Variants in CFAP299 observed in about 807,000 individuals in gnomAD.
The protein encoded by CFAP299 is cilia- and flagella-associated protein 299.
A neutral mutation model predicts 27.0 loss-of-function variants in CFAP299; 21 were observed. The observed-to-expected ratio is 0.78, with a 90% CI of 0.55 to 1.12. The LOEUF (loss-of-function observed/expected upper bound fraction) is 1.12. Ranked by LOEUF, CFAP299 falls within the 50% of genes most tolerant of loss-of-function variation. The pLI, the probability that CFAP299 is intolerant of heterozygous loss-of-function variation, is 0.00. For missense variants in CFAP299, 310 were observed against 276.6 expected, an observed-to-expected ratio of 1.12 and a Z score of -0.86; for synonymous variants, 104 against 98.1, an observed-to-expected ratio of 1.06 and a Z score of -0.36.
intron 3 of CFAP299, among the ~76,000 whole-genome samples, chr4:80,796,864 T>A (rs1727894907): frequency 2.0e-5 from 3 of 152,168 alleles, no homozygotes; most frequent in African/African-American, 7.2e-5. Flanking sequence ...CCCACCACAA[T>A]AGCTCTCACC....
At chr4:80,477,621 T>C (rs2110123423) in intron 2 of CFAP299, among the ~76,000 whole-genome samples, 1 of 152,290 alleles carries the variant, frequency 6.6e-6, no homozygotes, top group South Asian at 2.1e-4. Flanking sequence ...CATTCTACTT[T>C]GTCACCACTA....
chr4:80,762,336 G>T (rs1378170528), intron 3 of CFAP299, among the ~76,000 whole-genome samples: 3 of 151,952 alleles, frequency 2.0e-5, no homozygotes, highest in African/African-American at 7.2e-5. Flanking sequence ...AAGAAAGAAA[G>T]ATACTAGAAA....
intron 3 of CFAP299, among the ~76,000 whole-genome samples, chr4:80,612,757 G>T (rs976675806): frequency 2.0e-5 from 3 of 152,018 alleles, no homozygotes; most frequent in African/African-American, 7.2e-5. Flanking sequence ...TAATTAAGTA[G>T]CTCAGAATGC....
intron 2 of CFAP299, among the ~76,000 whole-genome samples, chr4:80,510,495 A>G (rs761046874): frequency 6.6e-6 from 1 of 152,162 alleles, no homozygotes; most frequent in Non-Finnish European, 1.5e-5. Context: ...TCAGACTGAA[A>G]TAGACTATAG....
At chr4:80,596,433 A>G (rs957382512) in intron 3 of CFAP299, among the ~76,000 whole-genome samples, 1 of 152,126 alleles carries the variant, frequency 6.6e-6, no homozygotes, top group African/African-American at 2.4e-5. Context: ...CTGCTGCCCC[A>G]CTGTGATTTT....
At chr4:80,651,727 T>G (rs1365208059) in intron 3 of CFAP299, among the ~76,000 whole-genome samples, 1 of 151,458 alleles carries the variant, frequency 6.6e-6, no homozygotes, top group Non-Finnish European at 1.5e-5. Flanking sequence ...TGTGTGTGTG[T>G]GTGTGTGTGT....
chr4:80,899,128 A>G (rs914452017), intron 4 of CFAP299, among the ~76,000 whole-genome samples: 16 of 152,230 alleles, frequency 1.1e-4, no homozygotes, highest in African/African-American at 2.9e-4. Context: ...GAGCTTTATA[A>G]TAACACCTAT....
chr4:80,740,618 G>A (rs1258220680), intron 3 of CFAP299, among the ~76,000 whole-genome samples: 11 of 152,200 alleles, frequency 7.2e-5, no homozygotes, highest in Admixed American at 7.2e-4. Flanking sequence ...CTTCAGGGTA[G>A]TGAGTTCCCA....
At chr4:80,385,870 G>A (rs1177219903) in intron 2 of CFAP299, among the ~76,000 whole-genome samples, 2 of 152,342 alleles carry the variant, frequency 1.3e-5, no homozygotes, top group South Asian at 4.1e-4. Context: ...CCCAGGGGAC[G>A]CAACTACCAG....
chr4:80,844,756 T>G (rs937200589), intron 3 of CFAP299, among the ~76,000 whole-genome samples: 4 of 152,216 alleles, frequency 2.6e-5, no homozygotes, highest in Admixed American at 2.6e-4. Context: ...TTCTTTAGTT[T>G]AATTAGATCC....
intron 4 of CFAP299, among the ~76,000 whole-genome samples, chr4:80,874,381 C>T (rs1364157774): frequency 1.3e-5 from 2 of 152,206 alleles, no homozygotes; most frequent in Non-Finnish European, 2.9e-5. Flanking sequence ...ATCTCAGGTT[C>T]TCTTCCAACC....
chr4:80,684,244 G>C (rs777612132), intron 3 of CFAP299, among the ~76,000 whole-genome samples: 2 of 148,412 alleles, frequency 1.3e-5, no homozygotes, highest in Non-Finnish European at 3.0e-5. Context: ...TTTTATTTCT[G>C]TTATTAACTC....
chr4:80,561,864 C>T (rs1372757604), intron 2 of CFAP299, among the ~76,000 whole-genome samples: 1 of 152,068 alleles, frequency 6.6e-6, no homozygotes, highest in Non-Finnish European at 1.5e-5. Context: ...GACTATAACA[C>T]TGTAACTGTG....
At chr4:80,406,532 T>A (rs1484779960) in intron 2 of CFAP299, among the ~76,000 whole-genome samples, 1 of 152,048 alleles carries the variant, frequency 6.6e-6, no homozygotes, top group Non-Finnish European at 1.5e-5. Flanking sequence ...ACCCAGCTCA[T>A]TTTGTTTACT....
At chr4:80,351,954 A>C (rs922507245) in intron 1 of CFAP299, among the ~76,000 whole-genome samples, 2 of 151,198 alleles carry the variant, frequency 1.3e-5, no homozygotes, top group Non-Finnish European at 3.0e-5. Flanking sequence ...AATTTTAAAT[A>C]GATTAAAAGG....
chr4:80,346,017 G>A (rs1240630587), intron 1 of CFAP299, among the ~76,000 whole-genome samples: 2 of 152,172 alleles, frequency 1.3e-5, no homozygotes, highest in Non-Finnish European at 2.9e-5. Context: ...GCATTTCTCT[G>A]ATGACCACTG....
chr4:80,739,687 T>C (rs1484354729), intron 3 of CFAP299, among the ~76,000 whole-genome samples: 1 of 152,098 alleles, frequency 6.6e-6, no homozygotes, highest in African/African-American at 2.4e-5. Context: ...CTGTGTGGTG[T>C]TTCTATAAGC....
intron 3 of CFAP299, among the ~76,000 whole-genome samples, chr4:80,861,719 T>A (rs1438511510): frequency 6.6e-6 from 1 of 152,182 alleles, no homozygotes; most frequent in Non-Finnish European, 1.5e-5. Flanking sequence ...TCTAGAAATT[T>A]ATTTTACACA....
At chr4:80,665,883 C>G (rs1030914010) in intron 3 of CFAP299, among the ~76,000 whole-genome samples, 3 of 152,098 alleles carry the variant, frequency 2.0e-5, no homozygotes, top group South Asian at 2.1e-4. Flanking sequence ...CACCTCTTCT[C>G]TCTCCCCCTT....
Sources: allele counts gnomAD v4.1 joint callset (sites outside exome capture counted in the v4.1 genomes callset), GRCh38; gene constraint gnomAD v4.1.1; transcripts MANE v1.5; gene names NCBI Gene and HGNC (gene_info 2026-07-23, HGNC 2026-07-21).